The following CNTNAP2 variants were observed in gnomAD, a reference collection of about 807,000 sequenced individuals.
The protein encoded by CNTNAP2 is contactin associated protein 2, also known as contactin-associated protein-like 2.
In CNTNAP2, 98 loss-of-function variants were observed where a neutral mutation model predicts 155.2. That is an observed-to-expected ratio of 0.63 (90% CI 0.54 to 0.75). The LOEUF (loss-of-function observed/expected upper bound fraction) is 0.75, where lower values mean the gene tolerates loss of function less well. Among genes scored for constraint, CNTNAP2 ranks in the 30% least tolerant of loss-of-function variants. The probability of loss-of-function intolerance (pLI) is 0.00; values close to 1 mark genes in which losing one functional copy is unlikely to be tolerated. For synonymous variants in CNTNAP2, 651 were observed against 631.2 expected (o/e 1.03, Z -0.47); for missense variants, 1,727 against 1,688.1 (o/e 1.02, Z -0.40).
intron 3 of CNTNAP2, among the ~76,000 whole-genome samples, chr7:147,032,699 A>G (rs2129250637): frequency 6.6e-6 from 1 of 151,330 alleles, no homozygotes; most frequent in Non-Finnish European, 1.5e-5. Context: ...GATGGAAGGA[A>G]GGAAAGAAAG....
At chr7:146,940,718 A>G (rs930844451) in intron 3 of CNTNAP2, among the ~76,000 whole-genome samples, 1 of 135,776 alleles carries the variant, frequency 7.4e-6, no homozygotes, top group Non-Finnish European at 1.7e-5. Flanking sequence ...CACACACACA[A>G]TATGGTGTGT....
chr7:147,274,910 C>A (rs544624536), intron 8 of CNTNAP2, among the ~76,000 whole-genome samples: 3 of 152,048 alleles, frequency 2.0e-5, no homozygotes, highest in African/African-American at 7.2e-5. Context: ...TTCTCAACAC[C>A]ATTTATTGAA....
At chr7:146,438,230 G>A (rs952805383) in intron 1 of CNTNAP2, among the ~76,000 whole-genome samples, 4 of 150,912 alleles carry the variant, frequency 2.7e-5, no homozygotes, top group Non-Finnish European at 5.9e-5. Context: ...ATGCAGTAAA[G>A]GGAATTCTCA....
intron 16 of CNTNAP2, among the ~76,000 whole-genome samples, chr7:148,122,921 C>T (rs1279984997): frequency 2.6e-5 from 4 of 151,942 alleles, no homozygotes; most frequent in African/African-American, 4.8e-5. Context: ...AACAAATACT[C>T]GTGAGGGTTA....
chr7:146,963,218 A>G (rs1797588834), intron 3 of CNTNAP2: 1 of 152,214 alleles, frequency 6.6e-6, no homozygotes, highest in Non-Finnish European at 1.5e-5. Context: ...AGTTGACTAG[A>G]AGTTCTCTAA....
At chr7:146,241,869 T>C (rs1799569038) in intron 1 of CNTNAP2, among the ~76,000 whole-genome samples, 1 of 151,624 alleles carries the variant, frequency 6.6e-6, no homozygotes, top group Admixed American at 6.6e-5. Flanking sequence ...AACATATATA[T>C]ATGAAAAGAC....
At chr7:146,977,115 C>A (rs1233337008) in intron 3 of CNTNAP2, among the ~76,000 whole-genome samples, 1 of 152,010 alleles carries the variant, frequency 6.6e-6, no homozygotes, top group African/African-American at 2.4e-5. Context: ...AGAGCCAGAA[C>A]ATAAATGAAA....
intron 15 of CNTNAP2, among the ~76,000 whole-genome samples, chr7:148,007,424 C>T (rs1188784241): frequency 2.0e-5 from 3 of 152,132 alleles, no homozygotes; most frequent in Non-Finnish European, 4.4e-5. Flanking sequence ...AATAATCTGT[C>T]TTATAAGCTA....
chr7:148,303,179 T>A (rs1196160843), intron 21 of CNTNAP2, among the ~76,000 whole-genome samples: 1 of 152,182 alleles, frequency 6.6e-6, no homozygotes, highest in Non-Finnish European at 1.5e-5. Flanking sequence ...AAAATACTAA[T>A]AGAACAAATA....
intron 13 of CNTNAP2, chr7:147,894,218 G>C (rs561287052): frequency 2.4e-4 from 36 of 152,308 alleles, no homozygotes; most frequent in African/African-American, 7.9e-4. Flanking sequence ...CCTATACTTA[G>C]TAAGTGTATC....
At chr7:147,330,217 T>C (rs973700212) in intron 9 of CNTNAP2, among the ~76,000 whole-genome samples, 1 of 152,098 alleles carries the variant, frequency 6.6e-6, no homozygotes, top group Non-Finnish European at 1.5e-5. Context: ...TGACAAGAGT[T>C]GATAAGCTTC....
At chr7:147,875,296 A>G (rs1373169742) in intron 13 of CNTNAP2, among the ~76,000 whole-genome samples, 1 of 152,188 alleles carries the variant, frequency 6.6e-6, no homozygotes, top group East Asian at 1.9e-4. Context: ...AGGCCTCACA[A>G]TCACAGTGGA....
chr7:147,504,262 G>A (rs890162076), intron 11 of CNTNAP2, among the ~76,000 whole-genome samples: 4 of 152,156 alleles, frequency 2.6e-5, no homozygotes, highest in African/African-American at 9.7e-5. Context: ...GTGGGAGTAA[G>A]TTCAGGGTAC....
chr7:146,464,022 T>C (rs1796678212), intron 1 of CNTNAP2, among the ~76,000 whole-genome samples: 1 of 152,138 alleles, frequency 6.6e-6, no homozygotes, highest in Non-Finnish European at 1.5e-5. Flanking sequence ...ATGTGTTTGA[T>C]CCTGCTATTA....
chr7:147,340,407 G>T (rs1795741146), intron 9 of CNTNAP2, among the ~76,000 whole-genome samples: 2 of 152,092 alleles, frequency 1.3e-5, no homozygotes, highest in African/African-American at 4.8e-5. Context: ...TTCTATAGAT[G>T]ATTTTCTGTG....
At chr7:148,185,163 G>A (rs73170517) in intron 18 of CNTNAP2, among the ~76,000 whole-genome samples, 2,123 of 152,260 alleles carry the variant, frequency 0.014, 27 homozygotes, top group Admixed American at 0.022. Context: ...CAGAAGCTCC[G>A]TGCTCACAAC....
At chr7:148,025,538 A>G (rs1002754451) in intron 15 of CNTNAP2, among the ~76,000 whole-genome samples, 23 of 152,196 alleles carry the variant, frequency 1.5e-4, no homozygotes, top group African/African-American at 4.8e-4. Context: ...AATACCTGCT[A>G]TACTCAATGC....
chr7:147,496,417 T>A (rs1246815096), intron 11 of CNTNAP2, among the ~76,000 whole-genome samples: 2 of 152,190 alleles, frequency 1.3e-5, no homozygotes, highest in Non-Finnish European at 2.9e-5. Context: ...TTACAGTGCA[T>A]TTTTGAAAAC....
intron 20 of CNTNAP2, among the ~76,000 whole-genome samples, chr7:148,263,793 T>A (rs1250265298): frequency 2.6e-5 from 4 of 151,696 alleles, no homozygotes; most frequent in Non-Finnish European, 5.9e-5. Flanking sequence ...AAATTTAGCA[T>A]TTTTGGTTAA....
Sources: gnomAD v4.1 joint callset for allele counts (sites outside exome capture counted in the v4.1 genomes callset) on GRCh38, gnomAD v4.1.1 for gene constraint, MANE v1.5 for transcripts, NCBI Gene and HGNC (gene_info 2026-07-23, HGNC 2026-07-21) for gene names.